The following CLEC2A variants were observed in gnomAD, a reference collection of about 807,000 sequenced individuals.
CLEC2A encodes keratinocyte-associated C-type lectin.
A neutral mutation model predicts 18.6 loss-of-function variants in CLEC2A; 19 were observed. That is an observed-to-expected ratio of 1.02 (90% CI 0.71 to 1.50). The LOEUF (loss-of-function observed/expected upper bound fraction) is 1.50, where lower values mean the gene tolerates loss of function less well. Among genes scored for constraint, CLEC2A ranks in the 40% most tolerant of loss-of-function variants. CLEC2A has a pLI of 0.00. For synonymous variants in CLEC2A, 74 were observed against 64.0 expected, an observed-to-expected ratio of 1.16 and a Z score of -0.75; for missense variants, 190 against 207.9, an observed-to-expected ratio of 0.91 and a Z score of 0.53.
the CLEC2A span, among the ~76,000 whole-genome samples, chr12:9,891,633 C>A: frequency 6.6e-6 from 1 of 152,124 alleles, no homozygotes; most frequent in Non-Finnish European, 1.5e-5. Context: ...TGTATTTGTA[C>A]AACTGAAATT....
chr12:9,889,776 A>G, the CLEC2A span, among the ~76,000 whole-genome samples: 2 of 152,078 alleles, frequency 1.3e-5, no homozygotes, highest in Admixed American at 1.3e-4. Flanking sequence ...AGTATAGTGC[A>G]GTGGATAAGA....
the CLEC2A span, among the ~76,000 whole-genome samples, chr12:9,879,555 C>T: frequency 1.3e-5 from 2 of 152,194 alleles, no homozygotes; most frequent in Non-Finnish European, 1.5e-5. Flanking sequence ...TCTTTGCTGC[C>T]TTGCCCAGGT....
chr12:9,905,399 G>A (rs1215088364), intron 4 of CLEC2A, among the ~76,000 whole-genome samples: 3 of 152,210 alleles, frequency 2.0e-5, no homozygotes, highest in Non-Finnish European at 4.4e-5. Context: ...GTGCTAATAG[G>A]CCTTTAGTTC....
intron 3 of CLEC2A, among the ~76,000 whole-genome samples, chr12:9,919,092 A>T (rs765754963): frequency 1.3e-5 from 2 of 152,096 alleles, no homozygotes; most frequent in South Asian, 4.1e-4. Flanking sequence ...GTTCTCTCTC[A>T]ATGTTCTGAA....
At chr12:9,895,023 G>T (rs1443350561), downstream of CLEC2A, among the ~76,000 whole-genome samples, 3 of 152,108 alleles carry the variant, frequency 2.0e-5, no homozygotes, top group Admixed American at 1.3e-4. Flanking sequence ...AGAAAGAATA[G>T]TTTACAAAAT....
Position 9,921,954 on chromosome 12 carries a change from C to A in CLEC2A, c.306+112G>T. On this transcript the variant is annotated intron_variant, in intron 3 of 4. Coordinates refer to ENST00000455827, the MANE Select transcript of CLEC2A (RefSeq NM_001130711.2). ...CAGGTATAAGTGAACCCACACAGTT[C>A]AAACCCATGTTGTTCAAGGATCAAT... The A allele has an allele frequency of 3.1e-6, 3 of 967,938 alleles. No individual in the cohort carries two copies. The South Asian group carries it at 6.2e-5, about 20-fold the overall frequency. 60.0% of individuals were successfully genotyped at this position (967,938 alleles called of 1,614,324 possible).
chr12:9,894,129 TC>T, downstream of CLEC2A, among the ~76,000 whole-genome samples: 1 of 106,846 alleles, frequency 9.4e-6, no homozygotes, highest in African/African-American at 3.8e-5. Flanking sequence ...CTTTTCTTTC[TC>T]TCTCTCTCTC....
At chr12:9,927,657 A>C (rs376732666) in intron 1 of CLEC2A, among the ~76,000 whole-genome samples, 2 of 152,314 alleles carry the variant, frequency 1.3e-5, no homozygotes, top group East Asian at 1.9e-4. Context: ...TGAAAAAGTT[A>C]CTAGTTTTCA....
In CLEC2A at chr12:9,916,235, AC is replaced by A. The variant is rs567704451; in HGVS notation, c.410+464del. 3.9e-3 allele frequency among the ~76,000 whole-genome samples: 593 copies of A among 152,220 alleles called. 6 individuals carry two copies. Among genetic ancestry groups the A allele is most frequent in the African/African-American group, 0.013 (554 of 41,572 alleles). ...GAAATAAAAATAAATAAAATAAGCA[AC>A]AAATAAATAAAAACAAGTAGTATTC... is the stretch of plus-strand genomic sequence containing the variant. On this transcript the variant is annotated intron_variant, in intron 4 of 4. Transcript: ENST00000455827.
chr12:9,910,695 T>C (rs939666060), downstream of CLEC2A, among the ~76,000 whole-genome samples: 1 of 152,058 alleles, frequency 6.6e-6, no homozygotes, highest in Non-Finnish European at 1.5e-5. Flanking sequence ...TCTTACCTTG[T>C]CCTGTGCATA....
chr12:9,888,608 G>A, the CLEC2A span: 2 of 573,482 alleles, frequency 3.5e-6, no homozygotes, highest in Non-Finnish European at 6.2e-6. Flanking sequence ...TGGATGCATA[G>A]GAGAAGAGAA....
At chr12:9,884,453 T>A in the CLEC2A span, among the ~76,000 whole-genome samples, 20 of 151,592 alleles carry the variant, frequency 1.3e-4, no homozygotes, top group African/African-American at 4.8e-4. Context: ...TAATAAATAT[T>A]TCTTTCCCTC....
At chr12:9,909,719 G>C (rs567516654), downstream of CLEC2A, among the ~76,000 whole-genome samples, 17 of 152,332 alleles carry the variant, frequency 1.1e-4, no homozygotes, top group Admixed American at 4.6e-4. Flanking sequence ...ACCTCACGTT[G>C]GAGTCCTTTT....
chr12:9,923,126 C>A (rs1863201682), intron 2 of CLEC2A, among the ~76,000 whole-genome samples: 1 of 152,148 alleles, frequency 6.6e-6, no homozygotes, highest in African/African-American at 2.4e-5. Flanking sequence ...CTGCACCTAT[C>A]AACCCATCTT....
chr12:9,907,757 C>T (rs897765886), intron 4 of CLEC2A, among the ~76,000 whole-genome samples: 1 of 152,158 alleles, frequency 6.6e-6, no homozygotes, highest in African/African-American at 2.4e-5. Context: ...AATCTGTGAA[C>T]CCTTGGGGCA....
chr12:9,901,603 C>A, intron 4 of CLEC2A, among the ~76,000 whole-genome samples: 1 of 152,118 alleles, frequency 6.6e-6, no homozygotes, highest in Non-Finnish European at 1.5e-5. Flanking sequence ...CTGTTTACTT[C>A]ATTTTTCTGG....
chr12:9,884,898 G>A, the CLEC2A span: 5 of 672,184 alleles, frequency 7.4e-6, no homozygotes, highest in East Asian at 1.7e-4. Flanking sequence ...TTTATAAAGT[G>A]AATAATCACA....
chr12:9,902,233 A>AT (rs3994065), intron 4 of CLEC2A, among the ~76,000 whole-genome samples: 14,795 of 132,516 alleles, frequency 0.11, 1,073 homozygotes, highest in East Asian at 0.31. Flanking sequence ...AAGGTTTGCC[A>AT]TTTTTTTTTT....
At chr12:9,885,060 A>T in the CLEC2A span, 4 of 854,250 alleles carry the variant, frequency 4.7e-6, no homozygotes, top group Non-Finnish European at 6.3e-6. Flanking sequence ...ATTTATTTGA[A>T]CATTTTCAGA....
Sources: gnomAD v4.1 joint callset for allele counts (sites outside exome capture counted in the v4.1 genomes callset) on GRCh38, gnomAD v4.1.1 for gene constraint, MANE v1.5 for transcripts, NCBI Gene and HGNC (gene_info 2026-07-23, HGNC 2026-07-21) for gene names.